ZMIZ1: variants seen among roughly 807,000 people sequenced by gnomAD.
The protein encoded by ZMIZ1 is zinc finger MIZ domain-containing protein 1.
ZMIZ1 carries 17 observed loss-of-function variants against 113.9 expected under a neutral mutation model. The ratio of observed to expected loss-of-function variants is 0.15; its 90% CI spans 0.10 to 0.22. The LOEUF (loss-of-function observed/expected upper bound fraction) is 0.22. Among genes scored for constraint, ZMIZ1 ranks in the 10% least tolerant of loss-of-function variants. The pLI, the probability that ZMIZ1 is intolerant of heterozygous loss-of-function variation, is 1.00. For synonymous variants in ZMIZ1, 607 were observed against 603.1 expected (o/e 1.01, Z -0.09); for missense variants, 1,059 against 1,477.8 (o/e 0.72, Z 4.65).
intron 8 of ZMIZ1, among the ~76,000 whole-genome samples, chr10:79,286,292 G>A (rs1273012267): frequency 6.6e-6 from 1 of 152,228 alleles, no homozygotes; most frequent in Non-Finnish European, 1.5e-5. Context: ...TCATCCTTGG[G>A]AACAGGGACC....
intron 1 of ZMIZ1, among the ~76,000 whole-genome samples, chr10:79,096,511 CAAAA>C (rs1843175178): frequency 2.0e-5 from 3 of 150,050 alleles, no homozygotes; most frequent in Non-Finnish European, 4.5e-5. Context: ...GACTCCGTCT[CAAAA>C]GAAAAGAAAA....
chr10:79,311,216 G>C, intron 24 of ZMIZ1, 32 bp downstream of exon 24: 1 of 1,583,686 alleles, frequency 6.3e-7, no homozygotes, highest in Non-Finnish European at 8.6e-7. Flanking sequence ...CCTTGGCCTG[G>C]GGCTAGGCCT....
chr10:79,293,373 C>T lies in ZMIZ1; in HGVS notation c.958-8C>T. On this transcript the variant is annotated splice_region_variant and splice_polypyrimidine_tract_variant and intron_variant, in intron 11 of 24. Coordinates refer to ENST00000334512, the MANE Select transcript of ZMIZ1 (RefSeq NM_020338.4). Reference sequence around the variant, plus strand: ...CTTCTCCCGTTGAAGGTCTGTTCCTCTTTCCAGATGGGTCCCACCCAGGCG... The same window carrying T: ...CTTCTCCCGTTGAAGGTCTGTTCCTTTTTCCAGATGGGTCCCACCCAGGCG... 1.3e-6 allele frequency: 2 copies of T among 1,502,634 alleles called. No homozygotes were observed. The allele number at this position is 1,502,634 out of a possible 1,614,324, so 93.1% of individuals were successfully genotyped here. A position where few individuals can be genotyped will look rare whatever the true frequency, so the allele number is the denominator to read the frequency against.
In ZMIZ1 at chr10:79,297,800, G is replaced by A. The variant is rs1854004501; in HGVS notation, c.1491+110G>A. On this transcript the variant is annotated intron_variant, in intron 14 of 24. Transcript: ENST00000334512. The stretch of plus-strand genomic sequence containing the variant: ...TGGACATTCAAAGGGGCCCATGGGT[G>A]GGGGTGCACTCCCTGGTCCCCTGTC... 3 of 903,192 alleles carry A rather than the reference G, an allele frequency of 3.3e-6. No homozygotes were observed. In the South Asian group the frequency reaches 4.4e-5, roughly 13 times the overall value. The allele number at this position is 903,192 out of a possible 1,614,324, so 55.9% of individuals were successfully genotyped here.
In ZMIZ1 at chr10:79,291,186, G is replaced by A. The variant is rs762569894; in HGVS notation, c.758+10G>A. On this transcript the variant is annotated intron_variant, in intron 10 of 24. Transcript: ENST00000334512. The stretch of plus-strand genomic sequence containing the variant: ...GGGGCTTTGGGGCCAGGTGAGCAGG[G>A]CTGACCTGTGGCAGAAGCCATGGAC... 3 of 1,591,732 alleles carry A rather than the reference G, an allele frequency of 1.9e-6. No homozygotes were observed. Among genetic ancestry groups the A allele is most frequent in the Admixed American group, 3.4e-5 (2 of 58,472 alleles).
chr10:79,144,905 G>A (rs1024279903), intron 3 of ZMIZ1, among the ~76,000 whole-genome samples: 4 of 151,806 alleles, frequency 2.6e-5, no homozygotes, highest in African/African-American at 4.8e-5. Context: ...CCTCCTCTCT[G>A]CTGTGTGTCT....
intron 2 of ZMIZ1, among the ~76,000 whole-genome samples, chr10:79,129,976 A>G (rs115841815): frequency 0.017 from 2,562 of 152,334 alleles, 78 homozygotes; most frequent in African/African-American, 0.058. Flanking sequence ...GGGTCAATTC[A>G]TATTGATGCA....
chr10:79,081,236 C>G (rs1211904565), intron 1 of ZMIZ1, among the ~76,000 whole-genome samples: 2 of 152,190 alleles, frequency 1.3e-5, no homozygotes, highest in Non-Finnish European at 2.9e-5. Flanking sequence ...GAGATTGTAT[C>G]CTCGGAGACT....
At chr10:79,300,581 C>T (rs919893756) in intron 16 of ZMIZ1, 151 bp from the exon 17 acceptor site, 1 of 1,018,264 alleles carries the variant, frequency 9.8e-7, no homozygotes, top group Non-Finnish European at 1.4e-6. Flanking sequence ...GAGGAGAACT[C>T]AGGCTGGGGG....
In ZMIZ1 at chr10:79,298,553, A is replaced by C. The variant is rs777759595; in HGVS notation, c.1639A>C (p.Asn547His). 1.2e-6 allele frequency: 2 copies of C among 1,601,800 alleles called. No individual in the cohort carries two copies. The highest frequency in any genetic ancestry group is 1.7e-6 in the Non-Finnish European group (2 of 1,174,972). ...KPPFPPDIKP[N>H]MSALPPPPAN... ...ACCCTTCCCGCCTGACATCAAGCCAAATATGAGCGCTCTGCCACCACCCCC... is the reference window on the plus strand; with the variant it reads ...ACCCTTCCCGCCTGACATCAAGCCACATATGAGCGCTCTGCCACCACCCCC... Residue 547 changes from asparagine (N) to histidine (H), a missense_variant, in exon 15 of 25, where the codon AAT becomes CAT. This residue lies in a region of ZMIZ1 where 239 missense variants were observed against 247.5 expected (regional missense o/e 0.97). Transcript: ENST00000334512.
At chr10:79,091,456 T>C (rs1209340846) in intron 1 of ZMIZ1, among the ~76,000 whole-genome samples, 1 of 152,158 alleles carries the variant, frequency 6.6e-6, no homozygotes, top group African/African-American at 2.4e-5. Flanking sequence ...AGTTTCACAG[T>C]CTGCATTGGA....
chr10:79,139,406 A>G (rs1302947308), intron 2 of ZMIZ1, among the ~76,000 whole-genome samples: 1 of 152,202 alleles, frequency 6.6e-6, no homozygotes, highest in Non-Finnish European at 1.5e-5. Flanking sequence ...TCCTACTAAG[A>G]AGAGAAAGAC....
At chr10:79,254,452 C>T (rs1238875641) in intron 7 of ZMIZ1, among the ~76,000 whole-genome samples, 18 of 152,236 alleles carry the variant, frequency 1.2e-4, no homozygotes, top group Non-Finnish European at 1.2e-4. Flanking sequence ...GCTGGACGGC[C>T]CTTGGCCCAG....
intron 1 of ZMIZ1, among the ~76,000 whole-genome samples, chr10:79,071,185 G>A (rs1407323544): frequency 2.6e-5 from 4 of 152,124 alleles, no homozygotes. Context: ...GAGCCGCTCC[G>A]AGCTGCCTCC....
chr10:79,107,240 G>A (rs1843592311), intron 1 of ZMIZ1, among the ~76,000 whole-genome samples: 1 of 152,178 alleles, frequency 6.6e-6, no homozygotes, highest in Non-Finnish European at 1.5e-5. Flanking sequence ...TGCTATTTAA[G>A]CCTCATTCAT....
At position 79,069,774 on chromosome 10, in the gene ZMIZ1, T is replaced by A. The variant is rs951279769; in HGVS notation, c.-337+504T>A. On this transcript the variant is annotated intron_variant, in intron 1 of 24. Coordinates refer to ENST00000334512, the MANE Select transcript of ZMIZ1 (RefSeq NM_020338.4). This position sits in a 1 kb window ranked among gnomAD's most constrained non-coding sequence, Gnocchi z 4.6. ...GGCAAGGGGTGGTGGTGTTAACTTG[T>A]GCGTCTGAATTTCCAGGGAAAACAT... Among the ~76,000 whole-genome samples, 1 of 152,154 alleles carries A rather than the reference T, an allele frequency of 6.6e-6. No homozygotes were observed. Among genetic ancestry groups the A allele is most frequent in the Non-Finnish European group, 1.5e-5 (1 of 68,028 alleles).
chr10:79,081,396 C>A (rs985852591), intron 1 of ZMIZ1, among the ~76,000 whole-genome samples: 8 of 152,170 alleles, frequency 5.3e-5, no homozygotes, highest in Non-Finnish European at 1.0e-4. Flanking sequence ...ATAGCTTAGC[C>A]CAGGTTGTAA....
At chr10:79,143,504 A>G (rs1302353769) in intron 3 of ZMIZ1, among the ~76,000 whole-genome samples, 2 of 151,800 alleles carry the variant, frequency 1.3e-5, no homozygotes, top group Admixed American at 6.6e-5. Flanking sequence ...TCCCTTGACC[A>G]CTCTGAGGTC....
chr10:79,312,935 C>T lies in ZMIZ1; in HGVS notation c.*186C>T, dbSNP rs1437607325. ...GGGTAGGGAGGGTGCACCAGTGCAC[C>T]AGGAAGGCTGTGTGGGTCTGGAGCC... On this transcript the variant is annotated 3_prime_UTR_variant, in exon 25 of 25. Transcript: ENST00000334512. 3.4e-6 allele frequency: 2 copies of T among 594,462 alleles called. No homozygotes were observed. Among genetic ancestry groups the T allele is most frequent in the African/African-American group, 4.3e-5 (2 of 46,768 alleles). The allele number at this position is 594,462 out of a possible 1,614,324, so 36.8% of individuals were successfully genotyped here. A position where few individuals can be genotyped will look rare whatever the true frequency, so the allele number is the denominator to read the frequency against.
Sources: gnomAD v4.1 joint callset for allele counts (sites outside exome capture counted in the v4.1 genomes callset) on GRCh38, gnomAD v4.1.1 for gene constraint, gnomAD v4.1.1 regional missense constraint, Gnocchi (gnomAD v3.1) non-coding constraint, MANE v1.5 for transcripts, NCBI Gene and HGNC (gene_info 2026-07-23, HGNC 2026-07-21) for gene names.